The following GPR39 variants were observed in gnomAD, a reference collection of about 807,000 sequenced individuals.
The protein encoded by GPR39 is zinc sensing receptor.
In GPR39, 23 loss-of-function variants were observed where a neutral mutation model predicts 18.4. The observed-to-expected ratio is 1.25, with a 90% CI of 0.90 to 1.77. GPR39 has a LOEUF of 1.77. Ranked by LOEUF, GPR39 falls within the 40% of genes most tolerant of loss-of-function variation. The pLI is 0.00. For synonymous variants in GPR39, 280 were observed against 257.9 expected, an observed-to-expected ratio of 1.09 and a Z score of -0.82; for missense variants, 647 against 602.4, an observed-to-expected ratio of 1.07 and a Z score of -0.78.
chr2:132,493,798 T>G (rs16832233), intron 1 of GPR39, among the ~76,000 whole-genome samples: 6,438 of 151,918 alleles, frequency 0.042, 462 homozygotes, highest in African/African-American at 0.15. Context: ...CACCACAGGC[T>G]ATAGCTAGAT....
intron 1 of GPR39, among the ~76,000 whole-genome samples, chr2:132,447,023 C>CA (rs1680549718): frequency 6.6e-6 from 1 of 152,134 alleles, no homozygotes; most frequent in Non-Finnish European, 1.5e-5. Flanking sequence ...ATGAAACGGG[C>CA]AAAGCAATGC....
intron 1 of GPR39, among the ~76,000 whole-genome samples, chr2:132,600,236 G>C (rs1681015141): frequency 6.6e-6 from 1 of 152,160 alleles, no homozygotes; most frequent in Non-Finnish European, 1.5e-5. Flanking sequence ...AAACCTATGG[G>C]ATACTGCAAA....
intron 1 of GPR39, among the ~76,000 whole-genome samples, chr2:132,567,537 A>G (rs1212102024): frequency 1.3e-5 from 2 of 152,206 alleles, no homozygotes; most frequent in African/African-American, 4.8e-5. Context: ...GGTCCCCACC[A>G]GCAAGAAGAA....
At chr2:132,603,096 G>A (rs1681074640) in intron 1 of GPR39, among the ~76,000 whole-genome samples, 1 of 152,126 alleles carries the variant, frequency 6.6e-6, no homozygotes, top group African/African-American at 2.4e-5. Flanking sequence ...TGTGGTTATT[G>A]CAGCACTAGT....
At chr2:132,519,582 G>C (rs1679388159) in intron 1 of GPR39, among the ~76,000 whole-genome samples, 1 of 152,212 alleles carries the variant, frequency 6.6e-6, no homozygotes, top group African/African-American at 2.4e-5. Flanking sequence ...TGTGTAATGA[G>C]AGTCTGGAGC....
intron 1 of GPR39, among the ~76,000 whole-genome samples, chr2:132,621,588 C>T (rs1316480463): frequency 2.6e-5 from 4 of 152,162 alleles, no homozygotes; most frequent in Admixed American, 6.5e-5. Flanking sequence ...GCAAATGGCC[C>T]ATGTAGTCTA....
chr2:132,566,534 TAGG>T (rs1300180080), intron 1 of GPR39, among the ~76,000 whole-genome samples: 1 of 152,218 alleles, frequency 6.6e-6, no homozygotes, highest in Non-Finnish European at 1.5e-5. Context: ...TTCATCTCTC[TAGG>T]AGTTTTGTCC....
chr2:132,631,425 C>G (rs887817729), intron 1 of GPR39, among the ~76,000 whole-genome samples: 5 of 152,176 alleles, frequency 3.3e-5, no homozygotes, highest in African/African-American at 1.2e-4. Flanking sequence ...AAATCATTAA[C>G]AGGAAGGCAT....
chr2:132,555,108 T>G (rs906108036), intron 1 of GPR39, among the ~76,000 whole-genome samples: 7 of 152,194 alleles, frequency 4.6e-5, no homozygotes, highest in Admixed American at 2.0e-4. Context: ...CGTGCCACCA[T>G]GCCCGGCTAA....
chr2:132,644,996 G>A, intron 1 of GPR39, 105 bp from the exon 2 acceptor site: 3 of 1,315,644 alleles, frequency 2.3e-6, no homozygotes, highest in South Asian at 3.0e-5. Context: ...TGGCCAGTAA[G>A]CACAGAACAG....
At chr2:132,480,685 G>A (rs1384757917) in intron 1 of GPR39, among the ~76,000 whole-genome samples, 4 of 152,200 alleles carry the variant, frequency 2.6e-5, no homozygotes. Context: ...GAAAATGATG[G>A]AGGCTTTCCC....
intron 1 of GPR39, among the ~76,000 whole-genome samples, chr2:132,558,509 A>G (rs1032885941): frequency 1.3e-5 from 2 of 152,206 alleles, no homozygotes; most frequent in Non-Finnish European, 2.9e-5. Context: ...CACAGAGATC[A>G]GATCCTTTCT....
At chr2:132,541,580 C>A (rs1201303027) in intron 1 of GPR39, among the ~76,000 whole-genome samples, 2 of 152,184 alleles carry the variant, frequency 1.3e-5, no homozygotes, top group African/African-American at 4.8e-5. Flanking sequence ...TTGGCCAGGT[C>A]TGTGGACTGA....
intron 1 of GPR39, among the ~76,000 whole-genome samples, chr2:132,637,324 C>T (rs1357192881): frequency 6.6e-6 from 1 of 152,220 alleles, no homozygotes; most frequent in African/African-American, 2.4e-5. Flanking sequence ...TAATGCTTAG[C>T]AAATTGCAGC....
At chr2:132,519,518 A>G (rs1679387477) in intron 1 of GPR39, among the ~76,000 whole-genome samples, 1 of 152,202 alleles carries the variant, frequency 6.6e-6, no homozygotes, top group Non-Finnish European at 1.5e-5. Context: ...TTTAATAGGA[A>G]TTCTGAGGCG....
At chr2:132,630,132 T>C (rs537808252) in intron 1 of GPR39, among the ~76,000 whole-genome samples, 4 of 152,216 alleles carry the variant, frequency 2.6e-5, no homozygotes, top group South Asian at 4.1e-4. Context: ...ATAGGATAGA[T>C]CCAGCCTCGA....
chr2:132,464,516 A>G (rs1300675335), intron 1 of GPR39, among the ~76,000 whole-genome samples: 2 of 152,228 alleles, frequency 1.3e-5, no homozygotes, highest in African/African-American at 4.8e-5. Flanking sequence ...GACAAATGGT[A>G]TCCATGAGAG....
chr2:132,602,013 G>GAC (rs900537295), intron 1 of GPR39, among the ~76,000 whole-genome samples: 1 of 148,432 alleles, frequency 6.7e-6, no homozygotes, highest in African/African-American at 2.5e-5. Flanking sequence ...AAATACCAAT[G>GAC]ACATTCTTCA....
chr2:132,584,669 A>G (rs1680692154), intron 1 of GPR39, among the ~76,000 whole-genome samples: 1 of 152,110 alleles, frequency 6.6e-6, no homozygotes, highest in Admixed American at 6.5e-5. Flanking sequence ...AGATGAAAGG[A>G]AGGAAAGAGA....
Sources: allele counts gnomAD v4.1 joint callset (sites outside exome capture counted in the v4.1 genomes callset), GRCh38; gene constraint gnomAD v4.1.1; transcripts MANE v1.5; gene names NCBI Gene and HGNC (gene_info 2026-07-23, HGNC 2026-07-21).